The following FRMD5 variants were observed in gnomAD, a reference collection of about 807,000 sequenced individuals.
FRMD5 encodes FERM domain-containing protein 5.
In FRMD5, 20 loss-of-function variants were observed where a neutral mutation model predicts 69.0. The observed-to-expected ratio is 0.29, with a 90% CI of 0.20 to 0.42. The LOEUF is 0.42. FRMD5 is among the 10% of genes least tolerant of loss of function. The pLI, the probability that FRMD5 is intolerant of heterozygous loss-of-function variation, is 1.00. For missense variants in FRMD5, 595 were observed against 708.6 expected (o/e 0.84, Z 1.82); for synonymous variants, 271 against 260.1 (o/e 1.04, Z -0.40).
intron 12 of FRMD5, among the ~76,000 whole-genome samples, 176 bp from the exon 13 acceptor site, chr15:43,883,985 T>A (rs117678265): frequency 6.6e-6 from 1 of 152,326 alleles, no homozygotes; most frequent in East Asian, 1.9e-4. Context: ...CAGTCAGAGA[T>A]AGTGCTTCAA....
chr15:43,923,427 G>C (rs2089530734), intron 2 of FRMD5, among the ~76,000 whole-genome samples: 1 of 152,210 alleles, frequency 6.6e-6, no homozygotes, highest in Non-Finnish European at 1.5e-5. Context: ...GGAAGTAAAA[G>C]TCTAAGCTGA....
chr15:43,934,949 C>A (rs2089734965), intron 1 of FRMD5, among the ~76,000 whole-genome samples: 1 of 152,224 alleles, frequency 6.6e-6, no homozygotes, highest in South Asian at 2.1e-4. Context: ...AACTCTTCAA[C>A]TGTCCAGATA....
chr15:44,171,087 T>G (rs1157801911), intron 1 of FRMD5, among the ~76,000 whole-genome samples: 4 of 152,190 alleles, frequency 2.6e-5, no homozygotes, highest in Non-Finnish European at 4.4e-5. Context: ...TATATGCCTA[T>G]AAGCAGTCAT....
chr15:43,930,859 G>A (rs572674400), intron 1 of FRMD5, among the ~76,000 whole-genome samples: 10 of 152,314 alleles, frequency 6.6e-5, no homozygotes, highest in South Asian at 2.1e-4. Context: ...GTCACCGTGC[G>A]CAAGGAAATG....
At chr15:43,893,887 C>A (rs1336121124) in intron 7 of FRMD5, among the ~76,000 whole-genome samples, 1 of 152,182 alleles carries the variant, frequency 6.6e-6, no homozygotes. Flanking sequence ...CTCTCAGAGT[C>A]AGGGTTACAA....
At position 44,087,198 on chromosome 15, in the gene FRMD5, T is replaced by C. The variant is rs186801899; in HGVS notation, c.102+107755A>G. The stretch of plus-strand genomic sequence containing the variant: ...CACACCTGGCTAACTTTTGTATTTT[T>C]TAGTAAAGATGGGGTTTCAGCATGT... On this transcript the variant is annotated intron_variant, in intron 1 of 13. Coordinates refer to ENST00000417257, the MANE Select transcript of FRMD5 (RefSeq NM_032892.5). 2.3e-3 allele frequency among the ~76,000 whole-genome samples: 345 copies of C among 152,222 alleles called. 2 individuals carry two copies. The highest frequency in any genetic ancestry group is 6.8e-3 in the Middle Eastern group (2 of 294).
At chr15:44,155,265 C>G (rs1034429178) in intron 1 of FRMD5, among the ~76,000 whole-genome samples, 2 of 151,972 alleles carry the variant, frequency 1.3e-5, no homozygotes, top group African/African-American at 4.8e-5. Context: ...AACCCCGTCT[C>G]TACTAAAAAT....
chr15:44,121,143 T>C (rs2076943814), intron 1 of FRMD5, among the ~76,000 whole-genome samples: 1 of 54,552 alleles, frequency 1.8e-5, no homozygotes, highest in Non-Finnish European at 6.7e-5. Context: ...GGGAAAAGAG[T>C]AGTAATTATG....
chr15:43,981,074 G>A (rs1033741096), intron 1 of FRMD5, among the ~76,000 whole-genome samples: 3 of 152,170 alleles, frequency 2.0e-5, no homozygotes, highest in African/African-American at 7.2e-5. Context: ...GGAGTGCAGT[G>A]ATGTGATCGT....
intron 1 of FRMD5, among the ~76,000 whole-genome samples, chr15:44,118,371 AG>A (rs368622992): frequency 5.3e-5 from 8 of 152,286 alleles, no homozygotes; most frequent in African/African-American, 1.9e-4. Context: ...GCAGATTTTA[AG>A]GGTCTTTCTG....
At chr15:43,997,550 A>T (rs1211859554) in intron 1 of FRMD5, among the ~76,000 whole-genome samples, 1 of 152,212 alleles carries the variant, frequency 6.6e-6, no homozygotes, top group African/African-American at 2.4e-5. Context: ...CTGTCTCCAT[A>T]GGAGAAACTG....
intron 1 of FRMD5, among the ~76,000 whole-genome samples, chr15:43,936,164 A>C (rs1451961297): frequency 6.6e-6 from 1 of 152,142 alleles, no homozygotes; most frequent in Non-Finnish European, 1.5e-5. Flanking sequence ...TGCCCTGTAC[A>C]TGATCCTCAA....
chr15:44,017,614 CTTTT>C (rs34121302), intron 1 of FRMD5, among the ~76,000 whole-genome samples: 2 of 135,306 alleles, frequency 1.5e-5, no homozygotes, highest in African/African-American at 2.7e-5. Flanking sequence ...CCAAATATTT[CTTTT>C]TTTTTTTTTT....
chr15:44,010,632 G>C (rs761326394), intron 1 of FRMD5, among the ~76,000 whole-genome samples: 14 of 152,118 alleles, frequency 9.2e-5, no homozygotes, highest in Non-Finnish European at 2.1e-4. Flanking sequence ...TGATCCAGCT[G>C]CCTTGGCCTC....
intron 7 of FRMD5, among the ~76,000 whole-genome samples, chr15:43,897,321 C>G (rs565714233): frequency 2.3e-3 from 351 of 151,886 alleles, no homozygotes; most frequent in Non-Finnish European, 3.0e-3. Flanking sequence ...AATTCCATCT[C>G]TACTAAAAAT....
chr15:44,126,660 C>G (rs2077028364), intron 1 of FRMD5, among the ~76,000 whole-genome samples: 1 of 152,150 alleles, frequency 6.6e-6, no homozygotes, highest in Non-Finnish European at 1.5e-5. Flanking sequence ...TTCATACTCT[C>G]CCACATAGGC....
intron 1 of FRMD5, among the ~76,000 whole-genome samples, chr15:44,006,811 A>G (rs1890471084): frequency 6.6e-6 from 1 of 152,266 alleles, no homozygotes; most frequent in Admixed American, 6.5e-5. Flanking sequence ...TGAGATGGAA[A>G]CTACTCCTGG....
intron 1 of FRMD5, among the ~76,000 whole-genome samples, chr15:44,020,901 A>G (rs866851988): frequency 1.3e-5 from 2 of 152,244 alleles, no homozygotes; most frequent in Non-Finnish European, 2.9e-5. Flanking sequence ...GTACACCATT[A>G]CATAAGATTT....
chr15:43,996,777 C>G (rs2140155954), intron 1 of FRMD5, among the ~76,000 whole-genome samples: 1 of 117,202 alleles, frequency 8.5e-6, no homozygotes, highest in Admixed American at 1.2e-4. Flanking sequence ...ATTTGCTGCT[C>G]AAAGTGTTCT....
Sources: gnomAD v4.1 joint callset for allele counts (sites outside exome capture counted in the v4.1 genomes callset) on GRCh38, gnomAD v4.1.1 for gene constraint, MANE v1.5 for transcripts, NCBI Gene and HGNC (gene_info 2026-07-23, HGNC 2026-07-21) for gene names.